Variants in DGKE observed in about 807,000 individuals in gnomAD.
DGKE encodes the protein diacylglycerol kinase epsilon.
DGKE carries 53 observed loss-of-function variants against 70.0 expected under a neutral mutation model. The ratio of observed to expected loss-of-function variants is 0.76; its 90% CI spans 0.61 to 0.95. The LOEUF (loss-of-function observed/expected upper bound fraction) is 0.95. Among genes scored for constraint, DGKE ranks in the 40% least tolerant of loss-of-function variants. The pLI, the probability that DGKE is intolerant of heterozygous loss-of-function variation, is 0.00. For synonymous variants in DGKE, 291 were observed against 257.0 expected, an observed-to-expected ratio of 1.13 and a Z score of -1.27; for missense variants, 655 against 706.9, an observed-to-expected ratio of 0.93 and a Z score of 0.83.
chr17:56,834,838 G>T lies in DGKE; in HGVS notation c.43G>T (p.Gly15Cys). The stretch of plus-strand genomic sequence containing the variant: ...GCCGGCGCCGGGCTCGCCCTCCGAG[G>T]GCCTGTTTGCGGACGGGCACCTGAT... ...RRPAPGSPSE[G>C]LFADGHLILW... The change falls in exon 2 of 12, where the codon GGC (glycine) becomes TGC (cysteine). Residue 15 changes from glycine to cysteine, a missense_variant. Physicochemically the swap from Gly to Cys is radical, Grantham distance 159. Transcript: ENST00000284061. 6.2e-7 allele frequency: 1 copy of T among 1,610,566 alleles called. No individual in the cohort carries two copies. Among genetic ancestry groups the T allele is most frequent in the Non-Finnish European group, 8.5e-7 (1 of 1,178,692 alleles).
At chr17:56,851,331 G>T (rs1485843318) in intron 7 of DGKE, among the ~76,000 whole-genome samples, 3 of 152,200 alleles carry the variant, frequency 2.0e-5, no homozygotes. Context: ...ACTCCGGAAA[G>T]TTTAGAGACT....
chr17:56,858,445 G>A, intron 8 of DGKE, 149 bp from the exon 9 acceptor site: 1 of 548,558 alleles, frequency 1.8e-6, no homozygotes, highest in Middle Eastern at 3.8e-4. Flanking sequence ...ATCCCCTTTG[G>A]TTGCCCTTCT....
intron 3 of DGKE, 80 bp from the exon 4 acceptor site, chr17:56,845,610 A>G (rs1479242856): frequency 7.1e-7 from 1 of 1,403,204 alleles, no homozygotes; most frequent in Non-Finnish European, 9.5e-7. Flanking sequence ...AAATTATAGC[A>G]CCATTGTTCT....
intron 2 of DGKE, chr17:56,838,802 C>A (rs114927248): frequency 1.3e-5 from 2 of 151,820 alleles, no homozygotes; most frequent in African/African-American, 4.8e-5. Context: ...GTTTTAGTTA[C>A]GTATGTTCAT....
At chr17:56,862,509 T>TGAAATGGTTA in intron 11 of DGKE, 103 bp from the exon 12 acceptor site, 1 of 1,104,862 alleles carries the variant, frequency 9.1e-7, no homozygotes, top group Non-Finnish European at 1.2e-6. Context: ...TTTCTAAAAA[T>TGAAATGGTTA]GAAATGCATA....
chr17:56,868,235 G>A lies in DGKE; in HGVS notation c.*5444G>A, dbSNP rs1908612044. Reference sequence around the variant, plus strand: ...CCTAGAGTAAGGCAGGCACTTTGTGGAGGTGGATGATGATGGCTCATAAAA... The same window carrying A: ...CCTAGAGTAAGGCAGGCACTTTGTGAAGGTGGATGATGATGGCTCATAAAA... On this transcript the variant is annotated 3_prime_UTR_variant, in exon 12 of 12. Transcript: ENST00000284061. 1 of 152,362 alleles carries A rather than the reference G, an allele frequency of 6.6e-6. No homozygotes were observed. The highest frequency in any genetic ancestry group is 2.1e-4 in the South Asian group (1 of 4,836). The allele number at this position is 152,362 out of a possible 1,614,324, so 9.4% of individuals were successfully genotyped here.
At chr17:56,851,443 C>G (rs1907644355) in intron 7 of DGKE, among the ~76,000 whole-genome samples, 1 of 152,210 alleles carries the variant, frequency 6.6e-6, no homozygotes, top group African/African-American at 2.4e-5. Flanking sequence ...GAGGATTTCT[C>G]TCTGGGGAAG....
At position 56,861,998 on chromosome 17, in the gene DGKE, C is replaced by G. The variant is rs2144299378; in HGVS notation, c.1412+80C>G. ...CTTGTTTATAGACTTTAACATTTTT[C>G]CTCAAATTTTCTTTTTTGTGTATCT... On this transcript the variant is annotated intron_variant, in intron 10 of 11. Transcript: ENST00000284061. 1.2e-5 allele frequency: 18 copies of G among 1,538,148 alleles called. No homozygotes were observed. The East Asian group carries it at 4.1e-4, about 35-fold the overall frequency.
chr17:56,841,328 AT>A (rs1365586055), intron 2 of DGKE, among the ~76,000 whole-genome samples: 1 of 152,092 alleles, frequency 6.6e-6, no homozygotes, highest in African/African-American at 2.4e-5. Context: ...CTGTATATAT[AT>A]TTTTAAAAAC....
intron 3 of DGKE, 95 bp downstream of exon 3, chr17:56,844,273 T>G (rs1361420253): frequency 1.3e-6 from 1 of 786,760 alleles, no homozygotes; most frequent in Admixed American, 4.1e-5. Context: ...GAAGAATTGG[T>G]GCCAGGAATA....
Position 56,868,419 on chromosome 17 carries a change from G to C in DGKE, c.*5628G>C, listed in dbSNP as rs2144320460. On this transcript the variant is annotated 3_prime_UTR_variant, in exon 12 of 12. Coordinates refer to ENST00000284061, the MANE Select transcript of DGKE (RefSeq NM_003647.3). ...GTCCTCAACCCCAGTCCTCTTAGAA[G>C]TGAACTGATTGCACTGGATCCCTAA... is the stretch of plus-strand genomic sequence containing the variant. The C allele has an allele frequency of 6.6e-6, 1 of 152,374 alleles. No homozygotes were observed. Among genetic ancestry groups the C allele is most frequent in the South Asian group, 2.1e-4 (1 of 4,826 alleles). 9.4% of individuals were successfully genotyped at this position (152,374 alleles called of 1,614,324 possible).
chr17:56,845,735 G>A lies in DGKE; in HGVS notation c.670G>A (p.Ala224Thr). The change falls in exon 4 of 12, where the codon GCC becomes ACC. Residue 224 changes from alanine (A) to threonine (T), a missense_variant. By Grantham distance (58) the Ala-to-Thr change is moderately conservative (BLOSUM62 0). Transcript: ENST00000284061. ...GKQWTPLIIL[A>T]NSRSGTNMGE... ...GCAGTGGACCCCATTAATAATCCTG[G>A]CCAACTCTCGTAGTGGAACTAATAT... 6.2e-7 allele frequency: 1 copy of A among 1,612,410 alleles called. No homozygotes were observed. The highest frequency in any genetic ancestry group is 8.5e-7 in the Non-Finnish European group (1 of 1,179,084).
intron 7 of DGKE, among the ~76,000 whole-genome samples, chr17:56,851,326 G>A (rs1042805626): frequency 3.3e-5 from 5 of 152,156 alleles, no homozygotes; most frequent in South Asian, 2.1e-4. Flanking sequence ...GGTTTACTCC[G>A]GAAAGTTTAG....
Position 56,835,034 on chromosome 17 carries a change from A to G in DGKE, c.239A>G (p.His80Arg). 6.2e-7 allele frequency: 1 copy of G among 1,613,010 alleles called. No homozygotes were observed. The highest frequency in any genetic ancestry group is 1.1e-5 in the South Asian group (1 of 91,080). The stretch of plus-strand genomic sequence containing the variant: ...ACCTACTGCTGCGTGTGCGCGCAGC[A>G]CATTCTGCAGGGCGCCTTCTGCGAC... ...QPTYCCVCAQ[H>R]ILQGAFCDCC... Residue 80 changes from histidine to arginine, a missense_variant, in exon 2 of 12, where the codon CAC (histidine) becomes CGC (arginine). Physicochemically the swap from His to Arg is conservative, Grantham distance 29 (BLOSUM62 0). Transcript: ENST00000284061.
intron 9 of DGKE, among the ~76,000 whole-genome samples, 174 bp from the exon 10 acceptor site, chr17:56,861,617 T>C (rs1279795624): frequency 2.6e-5 from 4 of 152,226 alleles, no homozygotes; most frequent in African/African-American, 9.7e-5. Flanking sequence ...GAAGCAGTTC[T>C]ACTGAAGAGA....
rs199937543 is a variant in DGKE, at chr17:56,834,963, C to G, written c.168C>G (p.Arg56=). ...RRQLHRRDIF[R]KSKHGWRDTD... ...AGCTGCACCGCAGGGACATCTTCCG[C>G]AAGAGCAAGCACGGGTGGCGCGACA... The change falls in exon 2 of 12, where the codon CGC becomes CGG. Residue 56 remains arginine, a synonymous_variant. Transcript: ENST00000284061. The G allele has an allele frequency of 1.2e-6, 2 of 1,613,150 alleles. No individual in the cohort carries two copies. Among genetic ancestry groups the G allele is most frequent in the African/African-American group, 2.7e-5 (2 of 75,066 alleles).
In DGKE at chr17:56,861,909, C is replaced by A. The variant is rs1453677018; in HGVS notation, c.1403C>A (p.Pro468His). ...GAAGGGATGGGGGACGAGACTTACC[C>A]TCTAGCCAGGTATGTACATTTGTGG... Reference protein sequence around the residue: ...LWEGMGDETYPLARHDDGLLE... With the variant: ...LWEGMGDETYHLARHDDGLLE... The change falls in exon 10 of 12, where the codon CCT becomes CAT. Residue 468 changes from proline to histidine, a missense_variant. Transcript: ENST00000284061. 4 of 1,607,666 alleles carry A rather than the reference C, an allele frequency of 2.5e-6. No homozygotes were observed. Among genetic ancestry groups the A allele is most frequent in the Middle Eastern group, 1.7e-4 (1 of 6,046 alleles).
chr17:56,837,483 G>A (rs1906703126), intron 2 of DGKE, among the ~76,000 whole-genome samples: 1 of 152,166 alleles, frequency 6.6e-6, no homozygotes, highest in South Asian at 2.1e-4. Context: ...GATAGAAATT[G>A]TCTCTGTGTA....
intron 2 of DGKE, chr17:56,835,567 T>G: frequency 2.4e-6 from 1 of 424,786 alleles, no homozygotes; most frequent in East Asian, 3.5e-5. Context: ...ATTTTAGCTT[T>G]TGTTCCTATC....
Sources: allele counts gnomAD v4.1 joint callset (sites outside exome capture counted in the v4.1 genomes callset), GRCh38; gene constraint gnomAD v4.1.1; transcripts MANE v1.5; gene names NCBI Gene and HGNC (gene_info 2026-07-23, HGNC 2026-07-21).